HTR2C: variants seen among roughly 807,000 people sequenced by gnomAD.
The protein encoded by HTR2C is 5-hydroxytryptamine receptor 2C, also known as 5-hydroxytryptamine (serotonin) receptor 2C, G protein-coupled.
In HTR2C, 5 loss-of-function variants were observed where a neutral mutation model predicts 21.0. That is an observed-to-expected ratio of 0.24 (90% CI 0.12 to 0.50). The LOEUF is 0.50. HTR2C is among the 20% of genes least tolerant of loss of function. HTR2C has a pLI of 0.98. For missense variants in HTR2C, 271 were observed against 371.2 expected (o/e 0.73, Z 2.22); for synonymous variants, 150 against 145.3 (o/e 1.03, Z -0.23).
At chrX:114,880,548 C>T (rs2071172994) in intron 5 of HTR2C, among the ~76,000 whole-genome samples, 1 of 110,538 alleles carries the variant, frequency 9.0e-6, no homozygotes, top group African/African-American at 3.3e-5. Context: ...GCAAGACAAA[C>T]ATTATACCCT....
chrX:114,703,126 C>G (rs1333789417), intron 2 of HTR2C, among the ~76,000 whole-genome samples: 1 of 107,585 alleles, frequency 9.3e-6, no homozygotes, highest in Non-Finnish European at 1.9e-5. Context: ...CTTTAACACC[C>G]CACTGTCAAC....
chrX:114,641,206 C>T (rs1556406413), intron 2 of HTR2C, among the ~76,000 whole-genome samples: 1 of 110,274 alleles, frequency 9.1e-6, no homozygotes, highest in East Asian at 2.8e-4. Context: ...GTTTCTTAAA[C>T]TTGAATAAAA....
intron 4 of HTR2C, among the ~76,000 whole-genome samples, chrX:114,807,024 TATACC>T (rs1441742627): frequency 2.0e-5 from 1 of 49,734 alleles, no homozygotes; most frequent in Non-Finnish European, 4.2e-5. Context: ...ATATACCATA[TATACC>T]ATATACACCA....
intron 4 of HTR2C, among the ~76,000 whole-genome samples, chrX:114,797,183 A>G (rs1231561434): frequency 1.8e-5 from 2 of 111,743 alleles, no homozygotes; most frequent in South Asian, 7.4e-4. Context: ...TACTTTCATT[A>G]TCACCTTATT....
rs149705204 is a variant in HTR2C at position 114,750,056 on chromosome X, C to T, written c.349+18449C>T. On this transcript the variant is annotated intron_variant, in intron 4 of 5. Transcript: ENST00000276198. ...AGATCACACCCATTTTCCTTGTGGC[C>T]GATTGGCATGTTTTTGTCTGAGTTG... Among the ~76,000 whole-genome samples, 380 of 111,272 alleles carry T rather than the reference C, an allele frequency of 3.4e-3. 2 individuals carry two copies. Among genetic ancestry groups the T allele is most frequent in the Middle Eastern group, 0.018 (4 of 217 alleles).
At chrX:114,816,052 C>A (rs1556454370) in intron 4 of HTR2C, among the ~76,000 whole-genome samples, 1 of 111,140 alleles carries the variant, frequency 9.0e-6, no homozygotes. Flanking sequence ...GTATATCATA[C>A]ACAGTACTCC....
At chrX:114,640,999 TTC>T (rs1243366217) in intron 2 of HTR2C, among the ~76,000 whole-genome samples, 10 of 95,188 alleles carry the variant, frequency 1.1e-4, no homozygotes, top group East Asian at 3.8e-4. Flanking sequence ...CCTTCTTTCT[TTC>T]TCTCTTTCCT....
At chrX:114,853,520 T>C (rs1252123053) in intron 5 of HTR2C, among the ~76,000 whole-genome samples, 1 of 111,867 alleles carries the variant, frequency 8.9e-6, no homozygotes, top group Non-Finnish European at 1.9e-5. Flanking sequence ...TTTATTCTTG[T>C]ACGTTGTGAC....
intron 5 of HTR2C, among the ~76,000 whole-genome samples, chrX:114,854,264 T>C (rs2070941337): frequency 1.8e-5 from 2 of 111,722 alleles, no homozygotes; most frequent in African/African-American, 6.5e-5. Context: ...GAAATTAAAA[T>C]TGAAATTTTA....
In HTR2C at chrX:114,731,310, C is replaced by G. The variant is rs1556423227; in HGVS notation, c.52C>G (p.Leu18Val). ...AATTTTCAGTGTGCACCTAATTGGC[C>G]TATTGGTTTGGCAATCTGATATTTC... ...VHSFLVHLIG[L>V]LVWQSDISVS... The change falls in exon 4 of 6, where the codon CTA becomes GTA. Residue 18 changes from leucine (L) to valine (V), a missense_variant. Around this residue, in one of 5 missense-constraint regions of HTR2C, gnomAD observed 57 missense variants for 64.0 expected, o/e 0.89. Transcript: ENST00000276198. The G allele has an allele frequency of 8.4e-7, 1 of 1,197,418 alleles. No individual in the cohort carries two copies. The highest frequency in any genetic ancestry group is 1.8e-5 in the South Asian group (1 of 55,756).
chrX:114,733,824 C>T (rs1377777911), intron 4 of HTR2C, among the ~76,000 whole-genome samples: 4 of 110,726 alleles, frequency 3.6e-5, no homozygotes, highest in African/African-American at 1.3e-4. Context: ...CAGTCATGTT[C>T]ATAGAAATTC....
At chrX:114,668,573 T>C (rs1274163867) in intron 2 of HTR2C, among the ~76,000 whole-genome samples, 1 of 111,454 alleles carries the variant, frequency 9.0e-6, no homozygotes, top group African/African-American at 3.3e-5. Flanking sequence ...TGAAAAAGCA[T>C]AGATGGGGAA....
chrX:114,758,291 G>A (rs1025662299), intron 4 of HTR2C, among the ~76,000 whole-genome samples: 2 of 111,366 alleles, frequency 1.8e-5, no homozygotes, highest in African/African-American at 3.3e-5. Flanking sequence ...GCTGGGCATG[G>A]TGGCTCATGC....
intron 2 of HTR2C, among the ~76,000 whole-genome samples, chrX:114,618,382 T>G (rs1929029560): frequency 8.9e-6 from 1 of 112,223 alleles, no homozygotes; most frequent in Admixed American, 9.5e-5. Context: ...AGTAAAATAA[T>G]TTTATATGTA....
At chrX:114,666,609 G>A (rs1359116205) in intron 2 of HTR2C, among the ~76,000 whole-genome samples, 2 of 111,113 alleles carry the variant, frequency 1.8e-5, no homozygotes, top group Non-Finnish European at 3.8e-5. Context: ...TGAGCTTTGT[G>A]TTTGGTTATT....
chrX:114,823,097 A>G (rs1053766350), intron 4 of HTR2C, among the ~76,000 whole-genome samples: 7 of 111,606 alleles, frequency 6.3e-5, no homozygotes, highest in Non-Finnish European at 9.4e-5. Flanking sequence ...AAGTCTGTTT[A>G]TATGATTTAG....
intron 4 of HTR2C, chrX:114,775,762 A>G: frequency 1.7e-5 from 8 of 474,334 alleles, no homozygotes; most frequent in Non-Finnish European, 2.9e-5. Flanking sequence ...GGATATGAGT[A>G]TAACCACCAA....
At chrX:114,758,935 A>G (rs1177814092) in intron 4 of HTR2C, among the ~76,000 whole-genome samples, 6 of 111,974 alleles carry the variant, frequency 5.4e-5, no homozygotes, top group East Asian at 5.6e-4. Flanking sequence ...ACAGAACCCT[A>G]TTAAAGAACC....
chrX:114,862,644 A>G (rs1483459657), intron 5 of HTR2C, among the ~76,000 whole-genome samples: 2 of 111,057 alleles, frequency 1.8e-5, no homozygotes, highest in African/African-American at 6.5e-5. Context: ...ATGTATATAT[A>G]ATAGTTGTAC....
Sources: gnomAD v4.1 joint callset for allele counts (sites outside exome capture counted in the v4.1 genomes callset) on GRCh38, gnomAD v4.1.1 for gene constraint, gnomAD v4.1.1 regional missense constraint, MANE v1.5 for transcripts, NCBI Gene and HGNC (gene_info 2026-07-23, HGNC 2026-07-21) for gene names.